The following KIF1B variants were observed in gnomAD, a reference collection of about 807,000 sequenced individuals.
KIF1B encodes kinesin-like protein KIF1B.
A neutral mutation model predicts 241.9 loss-of-function variants in KIF1B; 76 were observed. The ratio of observed to expected loss-of-function variants is 0.31; its 90% CI spans 0.26 to 0.38. The LOEUF is 0.38. KIF1B is among the 10% of genes least tolerant of loss of function. KIF1B has a pLI of 1.00. For synonymous variants in KIF1B, 750 were observed against 796.7 expected, an observed-to-expected ratio of 0.94 and a Z score of 0.99; for missense variants, 1,622 against 2,271.4, an observed-to-expected ratio of 0.71 and a Z score of 5.81.
At chr1:10,357,073 T>A (rs1638274013) in intron 38 of KIF1B, among the ~76,000 whole-genome samples, 1 of 152,074 alleles carries the variant, frequency 6.6e-6, no homozygotes, top group Non-Finnish European at 1.5e-5. Flanking sequence ...AGAGACAGGG[T>A]CTCGCTATAT....
chr1:10,363,213 A>G, intron 40 of KIF1B, 70 bp from the exon 41 acceptor site: 1 of 1,139,188 alleles, frequency 8.8e-7, no homozygotes, highest in South Asian at 1.2e-5. Context: ...TATTTTAAGT[A>G]GCAGAAATTG....
intron 11 of KIF1B, among the ~76,000 whole-genome samples, chr1:10,276,097 AG>A (rs1649090623): frequency 1.3e-5 from 2 of 151,842 alleles, no homozygotes; most frequent in Admixed American, 1.3e-4. Context: ...TAGTAGAGAC[AG>A]GGTTTTGCCA....
At chr1:10,373,559 A>C (rs1186305852) in intron 45 of KIF1B, among the ~76,000 whole-genome samples, 1 of 149,074 alleles carries the variant, frequency 6.7e-6, no homozygotes, top group Non-Finnish European at 1.5e-5. Context: ...AAAAAAAAAG[A>C]ATGAAGTATG....
At chr1:10,357,882 G>A (rs1242661485) in intron 38 of KIF1B, among the ~76,000 whole-genome samples, 6 of 151,764 alleles carry the variant, frequency 4.0e-5, no homozygotes, top group African/African-American at 1.2e-4. Context: ...GGTGGTGGGC[G>A]CCTGTAATCC....
At chr1:10,249,870 C>G (rs1647342008) in intron 2 of KIF1B, among the ~76,000 whole-genome samples, 1 of 152,086 alleles carries the variant, frequency 6.6e-6, no homozygotes, top group Admixed American at 6.5e-5. Context: ...CCACTGCACT[C>G]CAGCCTAGGG....
chr1:10,332,426 T>C (rs949039499), intron 27 of KIF1B, among the ~76,000 whole-genome samples: 20 of 151,526 alleles, frequency 1.3e-4, no homozygotes, highest in African/African-American at 4.6e-4. Context: ...CAAAAATTTC[T>C]TGCTGCAGAG....
intron 15 of KIF1B, among the ~76,000 whole-genome samples, chr1:10,289,882 TCAAA>T (rs1215691814): frequency 6.6e-6 from 1 of 152,118 alleles, no homozygotes; most frequent in Non-Finnish European, 1.5e-5. Flanking sequence ...AGACTCTGTC[TCAAA>T]CAGACAAACA....
chr1:10,306,913 A>AT, intron 22 of KIF1B: 1 of 1,046,836 alleles, frequency 9.6e-7, no homozygotes, highest in Non-Finnish European at 1.2e-6. Flanking sequence ...ATGGGAGTGA[A>AT]TGAGTTACTC....
chr1:10,220,049 A>G (rs1157228992), intron 1 of KIF1B, among the ~76,000 whole-genome samples: 1 of 151,444 alleles, frequency 6.6e-6, no homozygotes, highest in Non-Finnish European at 1.5e-5. Flanking sequence ...CTAAAAATAC[A>G]AAATTAGTTG....
chr1:10,292,247 C>G, intron 17 of KIF1B, 125 bp downstream of exon 17: 1 of 759,720 alleles, frequency 1.3e-6, no homozygotes, highest in Non-Finnish European at 2.3e-6. Context: ...GCCTTAATTT[C>G]AGATATTTCT....
Position 10,261,995 on chromosome 1 carries a change from C to T in KIF1B, c.429+25C>T, listed in dbSNP as rs183644753. On this transcript the variant is annotated intron_variant, in intron 5 of 48. Coordinates refer to ENST00000676179, the MANE Select transcript of KIF1B (RefSeq NM_001365951.3). ...GGTGAGTACAGCCGTGAGTTGACACCGTAAGCCCTTGTTTTCCATTCTCTC... is the reference window on the plus strand; with the variant it reads ...GGTGAGTACAGCCGTGAGTTGACACTGTAAGCCCTTGTTTTCCATTCTCTC... 121 of 1,519,664 alleles carry T rather than the reference C, an allele frequency of 8.0e-5. No individual in the cohort carries two copies. The African/African-American group carries it at 1.1e-3, about 14-fold the overall frequency. 94.1% of individuals were successfully genotyped at this position (1,519,664 alleles called of 1,614,324 possible). A position where few individuals can be genotyped will look rare whatever the true frequency, so the allele number is the denominator to read the frequency against.
At position 10,282,111 on chromosome 1, in the gene KIF1B, T is replaced by C. The variant is rs6541088; in HGVS notation, c.1223-211T>C. Among the ~76,000 whole-genome samples, 2,387 of 152,368 alleles carry C rather than the reference T, an allele frequency of 0.016. 62 individuals are homozygous for C. Among genetic ancestry groups the C allele is most frequent in the African/African-American group, 0.053 (2,215 of 41,582 alleles). ...TAGTTTGTAAATGCAGAAATGATTC[T>C]GAACCTGTAGGATACCACTATTAAA... On this transcript the variant is annotated intron_variant, in intron 14 of 48. Coordinates refer to ENST00000676179, the MANE Select transcript of KIF1B (RefSeq NM_001365951.3).
intron 40 of KIF1B, among the ~76,000 whole-genome samples, chr1:10,362,935 A>G (rs182746180): frequency 6.6e-6 from 1 of 152,116 alleles, no homozygotes; most frequent in Admixed American, 6.5e-5. Flanking sequence ...AGCTGGGTAT[A>G]GTGGTGTATG....
chr1:10,350,619 C>T (rs184889816), intron 37 of KIF1B, among the ~76,000 whole-genome samples: 1 of 152,328 alleles, frequency 6.6e-6, no homozygotes, highest in Non-Finnish European at 1.5e-5. Flanking sequence ...GTGGTTTCTA[C>T]TGGGGACAGA....
At chr1:10,347,873 G>T in intron 36 of KIF1B, 46 bp downstream of exon 36, 4 of 1,427,614 alleles carry the variant, frequency 2.8e-6, no homozygotes, top group South Asian at 2.3e-5. Context: ...ACACTGAAAA[G>T]AATTTAGAAT....
chr1:10,248,145 T>C (rs527688058), intron 2 of KIF1B, among the ~76,000 whole-genome samples: 23 of 152,246 alleles, frequency 1.5e-4, no homozygotes, highest in African/African-American at 5.3e-4. Context: ...TCTAGAAATA[T>C]TTTTAAGGTC....
chr1:10,273,709 CAAAAAAAAAAAAAAAAA>C (rs56349613), intron 10 of KIF1B, among the ~76,000 whole-genome samples: 5 of 49,578 alleles, frequency 1.0e-4, no homozygotes, highest in Non-Finnish European at 1.4e-4. Context: ...TCCTCCTCCT[CAAAAAAAAAAAAAAAAA>C]AAAAAAAAAA....
Position 10,228,078 on chromosome 1 carries a change from G to A in KIF1B, c.-79-4172G>A, listed in dbSNP as rs548474613. Among the ~76,000 whole-genome samples, 4 of 151,772 alleles carry A rather than the reference G, an allele frequency of 2.6e-5. No individual in the cohort carries two copies. The East Asian group carries it at 7.8e-4, about 29-fold the overall frequency. ...TGGGCTTCTGTAATCCCAGCTACTCGGGAGGCTGAGGCAGGAGAATTGCTT... is the reference window on the plus strand; with the variant it reads ...TGGGCTTCTGTAATCCCAGCTACTCAGGAGGCTGAGGCAGGAGAATTGCTT... On this transcript the variant is annotated intron_variant, in intron 1 of 48. Coordinates refer to ENST00000676179, the MANE Select transcript of KIF1B (RefSeq NM_001365951.3).
At chr1:10,350,597 A>G (rs1652757679) in intron 37 of KIF1B, among the ~76,000 whole-genome samples, 1 of 152,220 alleles carries the variant, frequency 6.6e-6, no homozygotes, top group Admixed American at 6.5e-5. Context: ...TATTTTGCAC[A>G]TGGAAACATC....
Sources: allele counts gnomAD v4.1 joint callset (sites outside exome capture counted in the v4.1 genomes callset), GRCh38; gene constraint gnomAD v4.1.1; transcripts MANE v1.5; gene names NCBI Gene and HGNC (gene_info 2026-07-23, HGNC 2026-07-21).